TRPC4AP: variants seen among roughly 807,000 people sequenced by gnomAD.
TRPC4AP encodes transient receptor potential cation channel subfamily C member 4 associated protein, also known as short transient receptor potential channel 4-associated protein.
Under a neutral mutation model 99.0 loss-of-function variants are expected in TRPC4AP, and 45 were observed. The ratio of observed to expected loss-of-function variants is 0.45; its 90% confidence interval spans 0.36 to 0.58. The LOEUF (loss-of-function observed/expected upper bound fraction) is 0.58, where lower values mean the gene tolerates loss of function less well. Ranked by LOEUF, TRPC4AP falls within the 20% of genes least tolerant of loss-of-function variation. The pLI is 0.00. For synonymous variants in TRPC4AP, 408 were observed against 385.8 expected (o/e 1.06, Z -0.67); for missense variants, 879 against 985.3 (o/e 0.89, Z 1.44).
rs1029608935 is a variant in TRPC4AP at position 35,069,400 on chromosome 20, G to C, written c.310C>G (p.Leu104Val). The change falls in exon 3 of 19, where the codon CTT becomes GTT. Residue 104 changes from leucine to valine, a missense_variant. By Grantham distance (32) the Leu-to-Val change is conservative. Around this residue, in one of 3 missense-constraint regions of TRPC4AP, gnomAD observed 603 missense variants for 631.8 expected, o/e 0.95. Coordinates refer to ENST00000252015, the MANE Select transcript of TRPC4AP (RefSeq NM_015638.3). ...AATGCCATAGCCTCCATGGAGAGAAGAGGAGAAATTTCCTAGTTTTTTTAA... is the reference window on the plus strand; with the variant it reads ...AATGCCATAGCCTCCATGGAGAGAACAGGAGAAATTTCCTAGTTTTTTTAA... ...CQNILKEISP[L>V]LSMEAMAFVT... is the part of the protein sequence containing the mutation. 1 of 1,606,828 alleles carries C rather than the reference G, an allele frequency of 6.2e-7. No homozygotes were observed. Among genetic ancestry groups the C allele is most frequent in the Non-Finnish European group, 8.5e-7 (1 of 1,175,596 alleles).
chr20:35,003,128 C>T lies in TRPC4AP; in HGVS notation c.*18G>A. 1 of 1,613,714 alleles carries T rather than the reference C, an allele frequency of 6.2e-7. No individual in the cohort carries two copies. Among genetic ancestry groups the T allele is most frequent in the Non-Finnish European group, 8.5e-7 (1 of 1,179,814 alleles). Reference sequence around the variant, plus strand: ...TCACCCACACTGGCCCAGCAGCCTCCCGAGGCCTGGCCCAAGGTCACTCCT... The same window carrying T: ...TCACCCACACTGGCCCAGCAGCCTCTCGAGGCCTGGCCCAAGGTCACTCCT... On this transcript the variant is annotated 3_prime_UTR_variant, in exon 19 of 19. Transcript: ENST00000252015.
chr20:35,080,801 TCA>T (rs988358571), intron 1 of TRPC4AP, among the ~76,000 whole-genome samples: 7 of 67,908 alleles, frequency 1.0e-4, no homozygotes, highest in Admixed American at 3.7e-4. Flanking sequence ...CTTGTACACT[TCA>T]GTTTTTTTTT....
At chr20:35,075,694 T>C (rs2084458805) in intron 2 of TRPC4AP, among the ~76,000 whole-genome samples, 1 of 152,334 alleles carries the variant, frequency 6.6e-6, no homozygotes, top group Admixed American at 6.5e-5. Flanking sequence ...CTTAATATTT[T>C]TTCCTTAATT....
chr20:35,024,854 A>AAAAAAAAAAAAAAAAG, intron 8 of TRPC4AP, among the ~76,000 whole-genome samples: 1 of 89,480 alleles, frequency 1.1e-5, no homozygotes, highest in South Asian at 3.2e-4. Flanking sequence ...AAAAAAAAAA[A>AAAAAAAAAAAAAAAAG]ATTCTGTTTA....
Position 35,043,323 on chromosome 20 carries a change from A to G in TRPC4AP, c.865+1182T>C, listed in dbSNP as rs941596433. Among the ~76,000 whole-genome samples the G allele has an allele frequency of 7.3e-5, 11 of 150,978 alleles. No homozygotes were observed. The East Asian group carries it at 1.8e-3, about 24-fold the overall frequency. ...GTGCAGTGGTGCAATCTGGGCTCAC[A>G]GCAACCTCTGCCTCCTGGGTTCAAG... is the stretch of plus-strand genomic sequence containing the variant. On this transcript the variant is annotated intron_variant, in intron 7 of 18. Coordinates refer to ENST00000252015, the MANE Select transcript of TRPC4AP (RefSeq NM_015638.3).
At chr20:35,004,712 G>A (rs1279625917) in intron 16 of TRPC4AP, 142 bp from the exon 17 acceptor site, 2 of 680,364 alleles carry the variant, frequency 2.9e-6, no homozygotes, top group Non-Finnish European at 5.1e-6. Context: ...AGCTGACTGT[G>A]GCAGAAAGAA....
At chr20:35,015,937 C>T in intron 10 of TRPC4AP, 71 bp downstream of exon 10, 2 of 1,592,934 alleles carry the variant, frequency 1.3e-6, no homozygotes, top group Middle Eastern at 1.7e-4. Flanking sequence ...GTCAAAGGGT[C>T]AGCAGCAGGT....
chr20:35,002,912 A>C lies in TRPC4AP; in HGVS notation c.*234T>G, dbSNP rs899036170. 2 of 505,686 alleles carry C rather than the reference A, an allele frequency of 4.0e-6. No individual in the cohort carries two copies. Among genetic ancestry groups the C allele is most frequent in the Non-Finnish European group, 7.0e-6 (2 of 287,326 alleles). The allele number at this position is 505,686 out of a possible 1,614,324, so 31.3% of individuals were successfully genotyped here. On this transcript the variant is annotated 3_prime_UTR_variant, in exon 19 of 19. Coordinates refer to ENST00000252015, the MANE Select transcript of TRPC4AP (RefSeq NM_015638.3). Reference sequence around the variant, plus strand: ...GCCCTGGGCCCCAGGGTTCTGAAGGAAAGGTGGGCATGGTACCCTGTCCTC... The same window carrying C: ...GCCCTGGGCCCCAGGGTTCTGAAGGCAAGGTGGGCATGGTACCCTGTCCTC...
At chr20:35,091,476 GA>G (rs1390131782) in intron 1 of TRPC4AP, among the ~76,000 whole-genome samples, 9 of 152,076 alleles carry the variant, frequency 5.9e-5, no homozygotes, top group Admixed American at 5.9e-4. Flanking sequence ...GTTACACTGT[GA>G]AAAGTCTCAC....
At chr20:35,058,442 A>G (rs1298593437) in intron 3 of TRPC4AP, among the ~76,000 whole-genome samples, 1 of 152,224 alleles carries the variant, frequency 6.6e-6, no homozygotes, top group Non-Finnish European at 1.5e-5. Context: ...AAAGCACTTA[A>G]ATCACATACA....
rs532924845 is a variant in TRPC4AP at position 35,003,044 on chromosome 20, G to A, written c.*102C>T. 33 of 1,511,410 alleles carry A rather than the reference G, an allele frequency of 2.2e-5. No homozygotes were observed. The highest frequency in any genetic ancestry group is 6.2e-5 in the South Asian group (5 of 80,636). 93.6% of individuals were successfully genotyped at this position (1,511,410 alleles called of 1,614,324 possible). A position where few individuals can be genotyped will look rare whatever the true frequency, so the allele number is the denominator to read the frequency against. Reference sequence around the variant, plus strand: ...AGCCTGTACCCAAAGACCTGGGGCAGGCAGAGAGCAGCAGGGAGGAACGGG... The same window carrying A: ...AGCCTGTACCCAAAGACCTGGGGCAAGCAGAGAGCAGCAGGGAGGAACGGG... On this transcript the variant is annotated 3_prime_UTR_variant, in exon 19 of 19. Transcript: ENST00000252015.
chr20:35,092,682 G>C lies in TRPC4AP; in HGVS notation c.100C>G (p.Pro34Ala). ...CGCAGCTGCAGCAGAATGTTACCAG[G>C]CCGCGGCCGGCCGCCCCATCCGCCC... ...AWGGWGGRPR[P>A]GNILLQLRQG... The change falls in exon 1 of 19, where the codon CCT (proline) becomes GCT (alanine). Residue 34 changes from proline (P) to alanine (A), a missense_variant. Physicochemically the swap from Pro to Ala is conservative, Grantham distance 27. Coordinates refer to ENST00000252015, the MANE Select transcript of TRPC4AP (RefSeq NM_015638.3). The C allele has an allele frequency of 6.5e-7, 1 of 1,529,720 alleles. No individual in the cohort carries two copies. The highest frequency in any genetic ancestry group is 8.7e-7 in the Non-Finnish European group (1 of 1,147,840). The allele number at this position is 1,529,720 out of a possible 1,614,324, so 94.8% of individuals were successfully genotyped here.
chr20:35,004,104 G>A (rs1450473728), intron 17 of TRPC4AP, among the ~76,000 whole-genome samples: 1 of 152,208 alleles, frequency 6.6e-6, no homozygotes, highest in Non-Finnish European at 1.5e-5. Context: ...GAAAAGAGGG[G>A]CAGGAGGCTC....
At chr20:35,059,672 AAG>A (rs1179552360) in intron 3 of TRPC4AP, among the ~76,000 whole-genome samples, 2 of 54,554 alleles carry the variant, frequency 3.7e-5, no homozygotes, top group Middle Eastern at 9.4e-3. Context: ...AAAGAAAAAA[AAG>A]AAGAAGAAGA....
chr20:35,002,954 C>G lies in TRPC4AP; in HGVS notation c.*192G>C. ...CCTGTCCTCATTATGGGGACTGAGG[C>G]TCTCCATGACCTAGGGCCCTCAGAC... On this transcript the variant is annotated 3_prime_UTR_variant, in exon 19 of 19. Transcript: ENST00000252015. 1 of 685,312 alleles carries G rather than the reference C, an allele frequency of 1.5e-6. No individual in the cohort carries two copies. Among genetic ancestry groups the G allele is most frequent in the Non-Finnish European group, 2.4e-6 (1 of 418,854 alleles). The allele number at this position is 685,312 out of a possible 1,614,324, so 42.5% of individuals were successfully genotyped here.
intron 4 of TRPC4AP, among the ~76,000 whole-genome samples, chr20:35,057,094 G>A (rs1378295651): frequency 6.6e-6 from 1 of 151,400 alleles, no homozygotes; most frequent in Admixed American, 6.6e-5. Flanking sequence ...AAGAAATAGT[G>A]CATACCAAAA....
chr20:35,004,347 G>T, intron 17 of TRPC4AP, 111 bp downstream of exon 17: 1 of 861,530 alleles, frequency 1.2e-6, no homozygotes, highest in Non-Finnish European at 1.9e-6. Flanking sequence ...GAAGAGCTGG[G>T]TCTCCAGAGA....
chr20:35,051,865 A>G (rs2083707854), intron 5 of TRPC4AP, among the ~76,000 whole-genome samples: 1 of 152,020 alleles, frequency 6.6e-6, no homozygotes, highest in Non-Finnish European at 1.5e-5. Context: ...TCCTCTCTTC[A>G]ATTTATCAAA....
intron 3 of TRPC4AP, 120 bp from the exon 4 acceptor site, chr20:35,057,691 CAGG>C: frequency 1.3e-6 from 1 of 773,028 alleles, no homozygotes; most frequent in South Asian, 2.1e-5. Flanking sequence ...CCTTTTGTTC[CAGG>C]AGGCAGTTAA....
Sources: gnomAD v4.1 joint callset for allele counts (sites outside exome capture counted in the v4.1 genomes callset) on GRCh38, gnomAD v4.1.1 for gene constraint, gnomAD v4.1.1 regional missense constraint, MANE v1.5 for transcripts, NCBI Gene and HGNC (gene_info 2026-07-23, HGNC 2026-07-21) for gene names.